The following PCSK5 variants were observed in gnomAD, a reference collection of about 807,000 sequenced individuals.
PCSK5 encodes proprotein convertase subtilisin/kexin type 5.
In PCSK5, 129 loss-of-function variants were observed where a neutral mutation model predicts 233.2. That is an observed-to-expected ratio of 0.55 (90% CI 0.48 to 0.64). The LOEUF is 0.64. Ranked by LOEUF, PCSK5 falls within the 30% of genes least tolerant of loss-of-function variation. The pLI, the probability that PCSK5 is intolerant of heterozygous loss-of-function variation, is 0.00. For missense variants in PCSK5, 2,076 were observed against 2,430.1 expected, an observed-to-expected ratio of 0.85 and a Z score of 3.06; for synonymous variants, 825 against 879.2, an observed-to-expected ratio of 0.94 and a Z score of 1.09.
chr9:76,131,174 G>A (rs184603278), intron 9 of PCSK5, among the ~76,000 whole-genome samples: 42 of 152,174 alleles, frequency 2.8e-4, no homozygotes, highest in Admixed American at 2.0e-3. Context: ...TAGTCTTCAC[G>A]TCTGCATCAT....
chr9:76,249,773 C>T (rs540410412), intron 24 of PCSK5, among the ~76,000 whole-genome samples: 5 of 152,246 alleles, frequency 3.3e-5, no homozygotes, highest in African/African-American at 1.2e-4. Flanking sequence ...GGAAAAAATC[C>T]ACAATGATGG....
intron 25 of PCSK5, among the ~76,000 whole-genome samples, chr9:76,292,730 G>A (rs1347823782): frequency 6.6e-6 from 1 of 152,114 alleles, no homozygotes; most frequent in Admixed American, 6.6e-5. Flanking sequence ...TGAAACAGAG[G>A]TAACCATCAC....
chr9:76,020,223 CAAAT>C (rs995557419), intron 3 of PCSK5, among the ~76,000 whole-genome samples: 13 of 152,268 alleles, frequency 8.5e-5, no homozygotes, highest in African/African-American at 3.1e-4. Context: ...AGATTCCTGT[CAAAT>C]AAATAGGGCC....
At chr9:76,277,417 C>T (rs545651225) in intron 24 of PCSK5, among the ~76,000 whole-genome samples, 1 of 152,270 alleles carries the variant, frequency 6.6e-6, no homozygotes, top group South Asian at 2.1e-4. Flanking sequence ...AATCCACAAA[C>T]AGCTTGCCTA....
chr9:76,105,570 A>G (rs565112103), intron 8 of PCSK5, among the ~76,000 whole-genome samples: 1 of 152,256 alleles, frequency 6.6e-6, no homozygotes, highest in African/African-American at 2.4e-5. Context: ...TAAACTCAGC[A>G]ATGAAAAGCC....
chr9:76,190,451 C>T (rs1824317070), intron 20 of PCSK5, among the ~76,000 whole-genome samples: 1 of 151,924 alleles, frequency 6.6e-6, no homozygotes, highest in African/African-American at 2.4e-5. Context: ...CCAGTTTTCA[C>T]CATATTAAAA....
intron 30 of PCSK5, among the ~76,000 whole-genome samples, chr9:76,317,603 G>A (rs1436725936): frequency 2.0e-5 from 3 of 152,116 alleles, no homozygotes; most frequent in African/African-American, 4.8e-5. Context: ...GCAGTTCTTC[G>A]CCACTCCTCG....
intron 2 of PCSK5, 92 bp from the exon 3 acceptor site, chr9:75,986,040 C>CTTTGATGATATTTTTTTTTT (rs1826499434): frequency 2.6e-6 from 2 of 758,570 alleles, no homozygotes; most frequent in African/African-American, 1.7e-5. Context: ...CTTAAATAGC[C>CTTTGATGATATTTTTTTTTT]TTGACTTACA....
intron 27 of PCSK5, among the ~76,000 whole-genome samples, chr9:76,298,674 A>C (rs563343724): frequency 6.6e-6 from 1 of 152,046 alleles, no homozygotes; most frequent in African/African-American, 2.4e-5. Flanking sequence ...TCGAGAGTGT[A>C]ATAGGAGAGG....
At chr9:76,072,432 A>G (rs1024931995) in intron 7 of PCSK5, among the ~76,000 whole-genome samples, 1 of 152,156 alleles carries the variant, frequency 6.6e-6, no homozygotes, top group African/African-American at 2.4e-5. Flanking sequence ...CCCACAAAAA[A>G]CTAACCATAT....
intron 2 of PCSK5, among the ~76,000 whole-genome samples, chr9:75,947,532 T>A (rs1447612165): frequency 6.6e-6 from 1 of 151,680 alleles, no homozygotes. Flanking sequence ...TGCAAAAGAC[T>A]AACAGAGTAA....
chr9:76,180,894 G>GT (rs33951103), intron 15 of PCSK5, among the ~76,000 whole-genome samples: 430 of 143,180 alleles, frequency 3.0e-3, no homozygotes, highest in East Asian at 5.5e-3. Context: ...AAACAAGGAA[G>GT]TTTTTTTTTT....
intron 13 of PCSK5, among the ~76,000 whole-genome samples, chr9:76,170,911 GT>G (rs1185934565): frequency 6.6e-6 from 1 of 152,148 alleles, no homozygotes; most frequent in African/African-American, 2.4e-5. Context: ...GTACATTTTG[GT>G]TATCCCTTCC....
chr9:76,017,534 G>T (rs1426615168), intron 3 of PCSK5, among the ~76,000 whole-genome samples: 1 of 152,106 alleles, frequency 6.6e-6, no homozygotes, highest in Non-Finnish European at 1.5e-5. Flanking sequence ...TTGGTGACTT[G>T]ACACTCAAGT....
At chr9:75,992,242 G>A (rs767362105) in intron 3 of PCSK5, among the ~76,000 whole-genome samples, 4 of 152,150 alleles carry the variant, frequency 2.6e-5, no homozygotes, top group Non-Finnish European at 4.4e-5. Context: ...CGCTGAATTC[G>A]AAATACATTG....
At chr9:76,182,528 G>GTTT (rs3077111) in intron 16 of PCSK5, among the ~76,000 whole-genome samples, 336 of 147,634 alleles carry the variant, frequency 2.3e-3, no homozygotes, top group African/African-American at 5.0e-3. Context: ...TTGGGGGAGT[G>GTTT]TTTTTTTTTT....
In PCSK5 at chr9:76,111,201, A is replaced by G. The variant is rs150159550; in HGVS notation, c.1208+3850A>G. ...AGGCCATCCTTTTTCTACAGAATGT[A>G]TAAGAATATGTGTTGCAACAAATTC... On this transcript the variant is annotated intron_variant, in intron 9 of 37. Transcript: ENST00000674117. 7.4e-3 allele frequency among the ~76,000 whole-genome samples: 1,129 copies of G among 152,362 alleles called. 4 individuals are homozygous for G. Among genetic ancestry groups the G allele is most frequent in the African/African-American group, 0.026 (1,071 of 41,594 alleles).
At chr9:76,295,177 CAAAA>C in intron 25 of PCSK5, 94 bp from the exon 26 acceptor site, 1 of 1,136,270 alleles carries the variant, frequency 8.8e-7, no homozygotes, top group Non-Finnish European at 1.2e-6. Flanking sequence ...CAAAACGAAA[CAAAA>C]AACTCTGCAT....
intron 33 of PCSK5, among the ~76,000 whole-genome samples, chr9:76,328,557 G>T (rs947593844): frequency 2.6e-5 from 4 of 151,988 alleles, no homozygotes; most frequent in African/African-American, 9.7e-5. Flanking sequence ...ATGTATACAT[G>T]TACATCATTC....
Sources: allele counts gnomAD v4.1 joint callset (sites outside exome capture counted in the v4.1 genomes callset), GRCh38; gene constraint gnomAD v4.1.1; transcripts MANE v1.5; gene names NCBI Gene and HGNC (gene_info 2026-07-23, HGNC 2026-07-21).